The following TNFSF4 variants were observed in gnomAD, a reference collection of about 807,000 sequenced individuals.
TNFSF4 encodes the protein tumor necrosis factor ligand superfamily member 4.
In TNFSF4, 4 loss-of-function variants were observed where a neutral mutation model predicts 7.3. The ratio of observed to expected loss-of-function variants is 0.55; its 90% CI spans 0.27 to 1.25. The LOEUF is 1.25. TNFSF4 is among the 50% of genes most tolerant of loss of function. The pLI, the probability that TNFSF4 is intolerant of heterozygous loss-of-function variation, is 0.12. For missense variants in TNFSF4, 181 were observed against 208.8 expected, an observed-to-expected ratio of 0.87 and a Z score of 0.82; for synonymous variants, 76 against 83.7, an observed-to-expected ratio of 0.91 and a Z score of 0.50.
chr1:173,440,187 C>T, the TNFSF4 span, among the ~76,000 whole-genome samples: 2 of 152,198 alleles, frequency 1.3e-5, no homozygotes, highest in Non-Finnish European at 2.9e-5. Flanking sequence ...CCCCAGAGAA[C>T]ATGCAGAACA....
the TNFSF4 span, among the ~76,000 whole-genome samples, chr1:173,299,621 A>C: frequency 6.6e-6 from 1 of 151,948 alleles, no homozygotes; most frequent in Non-Finnish European, 1.5e-5. Context: ...GTAACTCATA[A>C]GTGCTTTTTG....
chr1:173,422,713 G>A, the TNFSF4 span, among the ~76,000 whole-genome samples: 1 of 152,198 alleles, frequency 6.6e-6, no homozygotes. Flanking sequence ...GTGCAGAGGA[G>A]GGGGAGACAA....
the TNFSF4 span, among the ~76,000 whole-genome samples, chr1:173,399,880 C>T: frequency 6.6e-6 from 1 of 152,178 alleles, no homozygotes; most frequent in African/African-American, 2.4e-5. Context: ...TCCAATATGC[C>T]AGCAGCAGAG....
chr1:173,323,475 CG>C, the TNFSF4 span, among the ~76,000 whole-genome samples: 1 of 152,174 alleles, frequency 6.6e-6, no homozygotes, highest in Non-Finnish European at 1.5e-5. Flanking sequence ...TCCAAAGGAA[CG>C]CAGCTCCTCA....
the TNFSF4 span, among the ~76,000 whole-genome samples, chr1:173,368,298 T>C: frequency 6.6e-6 from 1 of 152,102 alleles, no homozygotes; most frequent in South Asian, 2.1e-4. Flanking sequence ...CATACCATCT[T>C]TAAGAGCTGT....
At chr1:173,224,511 T>C in the TNFSF4 span, among the ~76,000 whole-genome samples, 2 of 152,180 alleles carry the variant, frequency 1.3e-5, no homozygotes, top group African/African-American at 4.8e-5. Flanking sequence ...TGGTAGGCCG[T>C]AATTATGGTA....
chr1:173,367,045 A>C, the TNFSF4 span, among the ~76,000 whole-genome samples: 1 of 152,206 alleles, frequency 6.6e-6, no homozygotes, highest in African/African-American at 2.4e-5. Flanking sequence ...AAGTCAGATA[A>C]TTTTATGACA....
chr1:173,278,037 C>A, the TNFSF4 span, among the ~76,000 whole-genome samples: 2 of 152,016 alleles, frequency 1.3e-5, no homozygotes, highest in Non-Finnish European at 2.9e-5. Flanking sequence ...ATTCAATAAC[C>A]AACAAGATTT....
chr1:173,327,035 C>T, the TNFSF4 span, among the ~76,000 whole-genome samples: 1 of 152,078 alleles, frequency 6.6e-6, no homozygotes, highest in African/African-American at 2.4e-5. Context: ...TCATATGGAA[C>T]CAAAAAAGAG....
chr1:173,365,952 G>C, the TNFSF4 span, among the ~76,000 whole-genome samples: 3 of 152,178 alleles, frequency 2.0e-5, no homozygotes, highest in East Asian at 5.8e-4. Context: ...TACTGCTTAA[G>C]ATTTATGTCT....
At chr1:173,284,019 C>T in the TNFSF4 span, among the ~76,000 whole-genome samples, 1 of 151,438 alleles carries the variant, frequency 6.6e-6, no homozygotes, top group African/African-American at 2.4e-5. Flanking sequence ...AGCCTTATTG[C>T]TGATGTAGAA....
At chr1:173,286,999 T>C in the TNFSF4 span, among the ~76,000 whole-genome samples, 20 of 152,132 alleles carry the variant, frequency 1.3e-4, no homozygotes, top group Non-Finnish European at 1.6e-4. Flanking sequence ...CCAGCATCCA[T>C]AGTCATCAGA....
chr1:173,205,467 G>A, intron 1 of TNFSF4: 1 of 1,532,022 alleles, frequency 6.5e-7, no homozygotes, highest in East Asian at 2.3e-5. Context: ...CCACCAGCAA[G>A]CTGTACAACT....
At chr1:173,432,551 T>C in the TNFSF4 span, among the ~76,000 whole-genome samples, 2 of 152,212 alleles carry the variant, frequency 1.3e-5, no homozygotes, top group Non-Finnish European at 1.5e-5. Flanking sequence ...CCAACCCTGC[T>C]GGCACCCTGA....
At chr1:173,305,676 G>C in the TNFSF4 span, among the ~76,000 whole-genome samples, 3 of 151,116 alleles carry the variant, frequency 2.0e-5, no homozygotes, top group Admixed American at 6.6e-5. Flanking sequence ...GATATTACCC[G>C]AGACTGGGTA....
the TNFSF4 span, among the ~76,000 whole-genome samples, chr1:173,262,992 C>A: frequency 6.6e-6 from 1 of 152,172 alleles, no homozygotes; most frequent in East Asian, 1.9e-4. Context: ...TATACACCAA[C>A]AACAGACAAG....
At chr1:173,414,533 C>T in the TNFSF4 span, among the ~76,000 whole-genome samples, 1 of 152,204 alleles carries the variant, frequency 6.6e-6, no homozygotes, top group Non-Finnish European at 1.5e-5. Context: ...AAGTTCTTGT[C>T]CAAGATCTAG....
At chr1:173,232,151 T>A in the TNFSF4 span, among the ~76,000 whole-genome samples, 1 of 152,112 alleles carries the variant, frequency 6.6e-6, no homozygotes, top group Non-Finnish European at 1.5e-5. Flanking sequence ...CGTTGAGCAG[T>A]GGTTTGTAGT....
At chr1:173,311,593 ACCC>A in the TNFSF4 span, among the ~76,000 whole-genome samples, 8 of 152,140 alleles carry the variant, frequency 5.3e-5, no homozygotes, top group South Asian at 1.0e-3. Context: ...CTGGGAAGCC[ACCC>A]TCTAGGGTGT....
Sources: allele counts gnomAD v4.1 joint callset (sites outside exome capture counted in the v4.1 genomes callset), GRCh38; gene constraint gnomAD v4.1.1; transcripts MANE v1.5; gene names NCBI Gene and HGNC (gene_info 2026-07-23, HGNC 2026-07-21).